The following RIMS2 variants were observed in gnomAD, a reference collection of about 807,000 sequenced individuals.
RIMS2 encodes the protein regulating synaptic membrane exocytosis protein 2.
A neutral mutation model predicts 174.4 loss-of-function variants in RIMS2; 59 were observed. The observed-to-expected ratio is 0.34, with a 90% CI of 0.27 to 0.42. The LOEUF (loss-of-function observed/expected upper bound fraction) is 0.42. Ranked by LOEUF, RIMS2 falls within the 10% of genes least tolerant of loss-of-function variation. The pLI, the probability that RIMS2 is intolerant of heterozygous loss-of-function variation, is 1.00. For missense variants in RIMS2, 1,620 were observed against 1,666.3 expected (o/e 0.97, Z 0.48); for synonymous variants, 606 against 572.5 (o/e 1.06, Z -0.84).
intron 1 of RIMS2, among the ~76,000 whole-genome samples, chr8:103,616,002 A>G: frequency 6.6e-6 from 1 of 152,172 alleles, no homozygotes; most frequent in Non-Finnish European, 1.5e-5. Context: ...GAGAAGGGAC[A>G]TCTCCCAACT....
intron 1 of RIMS2, 144 bp downstream of exon 3, chr8:103,652,854 T>G: frequency 5.7e-6 from 2 of 348,834 alleles, no homozygotes; most frequent in Middle Eastern, 7.4e-4. Flanking sequence ...TTACCCTTAA[T>G]GAAAATCTAT....
chr8:104,010,641 A>C (rs1440042749), intron 17 of RIMS2, among the ~76,000 whole-genome samples: 1 of 152,196 alleles, frequency 6.6e-6, no homozygotes. Context: ...CAAGTACAAA[A>C]AAAAGAACTA....
intron 1 of RIMS2, among the ~76,000 whole-genome samples, chr8:103,591,987 GGAAA>G: frequency 6.6e-6 from 1 of 151,188 alleles, no homozygotes; most frequent in African/African-American, 2.4e-5. Flanking sequence ...AGATCTATTT[GGAAA>G]GAATTGACAT....
chr8:104,166,105 C>T (rs1383748591), intron 19 of RIMS2, among the ~76,000 whole-genome samples: 3 of 134,088 alleles, frequency 2.2e-5, no homozygotes, highest in South Asian at 2.4e-4. Flanking sequence ...CTCGCTCTGT[C>T]GCCCAGGCTG....
At chr8:103,710,469 C>A (rs1385264556) in intron 2 of RIMS2, among the ~76,000 whole-genome samples, 1 of 151,812 alleles carries the variant, frequency 6.6e-6, no homozygotes, top group Non-Finnish European at 1.5e-5. Flanking sequence ...CAGATTATAC[C>A]CTCTTAATAA....
At chr8:104,248,878 A>C (rs2099348638) in intron 21 of RIMS2, 65 bp downstream of exon 27, 4 of 753,894 alleles carry the variant, frequency 5.3e-6, no homozygotes, top group Non-Finnish European at 9.2e-6. Flanking sequence ...AATTCTCTAA[A>C]TTTCATAGAA....
intron 1 of RIMS2, among the ~76,000 whole-genome samples, chr8:103,507,004 T>C (rs548326817): frequency 1.3e-5 from 2 of 152,288 alleles, no homozygotes; most frequent in South Asian, 2.1e-4. Context: ...TTAAACTTTT[T>C]ACTCTATTAT....
At chr8:103,650,902 G>A (rs2096439823) in intron 1 of RIMS2, among the ~76,000 whole-genome samples, 1 of 152,228 alleles carries the variant, frequency 6.6e-6, no homozygotes, top group African/African-American at 2.4e-5. Flanking sequence ...AACTTGTGAG[G>A]CACCATGTAA....
intron 3 of RIMS2, among the ~76,000 whole-genome samples, chr8:103,821,942 C>T (rs2098754747): frequency 6.6e-6 from 1 of 151,456 alleles, no homozygotes; most frequent in African/African-American, 2.4e-5. Context: ...TCTTCTTAAG[C>T]ATCAATTATA....
At chr8:104,130,254 A>G (rs2098463836) in intron 19 of RIMS2, among the ~76,000 whole-genome samples, 2 of 152,208 alleles carry the variant, frequency 1.3e-5, no homozygotes, top group Non-Finnish European at 2.9e-5. Flanking sequence ...AAAATTCATT[A>G]TGTCAGATGC....
intron 3 of RIMS2, among the ~76,000 whole-genome samples, chr8:103,868,820 G>GATCT (rs1479031049): frequency 6.6e-6 from 1 of 151,922 alleles, no homozygotes; most frequent in African/African-American, 2.4e-5. Context: ...TTGAAGTGAC[G>GATCT]ATCTATAAAT....
intron 19 of RIMS2, among the ~76,000 whole-genome samples, chr8:104,186,478 A>G (rs1422853802): frequency 6.6e-6 from 1 of 151,564 alleles, no homozygotes; most frequent in Non-Finnish European, 1.5e-5. Flanking sequence ...TATTTCTACT[A>G]CTCTTTACTC....
At chr8:104,102,061 A>G (rs2097913593) in intron 19 of RIMS2, among the ~76,000 whole-genome samples, 1 of 152,114 alleles carries the variant, frequency 6.6e-6, no homozygotes, top group African/African-American at 2.4e-5. Context: ...TCAATGCTTC[A>G]TGGCTTCAAG....
intron 19 of RIMS2, among the ~76,000 whole-genome samples, chr8:104,030,606 A>C (rs28412742): frequency 0.015 from 2,242 of 152,114 alleles, 51 homozygotes; most frequent in African/African-American, 0.051. Context: ...AGTGACCTCC[A>C]TGCTTTTCTG....
In RIMS2 at chr8:104,061,582, CT is replaced by C. The variant is rs576391864; in HGVS notation, c.3334+46973del. On this transcript the variant is annotated intron_variant, in intron 19 of 23. Coordinates refer to ENST00000504942, the Ensembl canonical transcript of RIMS2. ...CATTCTGGTGTATCAGTCTTCAAAT[CT>C]TTTTTGTTCTCTGTCTTATTTATAA... is the stretch of plus-strand genomic sequence containing the variant. Among the ~76,000 whole-genome samples the C allele has an allele frequency of 1.9e-4, 29 of 150,172 alleles. No individual in the cohort carries two copies. The South Asian group carries it at 4.8e-3, about 25-fold the overall frequency.
At chr8:104,009,233 G>A (rs184308240) in intron 17 of RIMS2, among the ~76,000 whole-genome samples, 17 of 150,610 alleles carry the variant, frequency 1.1e-4, no homozygotes, top group East Asian at 3.9e-4. Context: ...TGCAGTTAAC[G>A]CCCAGAAAAT....
At chr8:103,546,514 A>G (rs1845177791) in intron 1 of RIMS2, among the ~76,000 whole-genome samples, 1 of 152,158 alleles carries the variant, frequency 6.6e-6, no homozygotes, top group Non-Finnish European at 1.5e-5. Context: ...CCTGAACTCA[A>G]CATTTGACTA....
At chr8:103,789,196 G>A (rs921028367) in intron 3 of RIMS2, among the ~76,000 whole-genome samples, 4 of 152,018 alleles carry the variant, frequency 2.6e-5, no homozygotes, top group African/African-American at 4.8e-5. Context: ...AGATGAACCC[G>A]GTACCTCAGA....
At chr8:103,856,117 A>G (rs1316042247) in intron 3 of RIMS2, among the ~76,000 whole-genome samples, 2 of 152,150 alleles carry the variant, frequency 1.3e-5, no homozygotes, top group East Asian at 1.9e-4. Context: ...TTATCATTTT[A>G]TAATGTCTTT....
Sources: allele counts gnomAD v4.1 joint callset (sites outside exome capture counted in the v4.1 genomes callset), GRCh38; gene constraint gnomAD v4.1.1; transcripts MANE v1.5; gene names NCBI Gene and HGNC (gene_info 2026-07-23, HGNC 2026-07-21).